The following SOX6 variants were observed in gnomAD, a reference collection of about 807,000 sequenced individuals.
SOX6 encodes the protein transcription factor SOX-6.
In SOX6, 11 loss-of-function variants were observed where a neutral mutation model predicts 97.8. The observed-to-expected ratio is 0.11, with a 90% CI of 0.07 to 0.19. The LOEUF (loss-of-function observed/expected upper bound fraction) is 0.19. Ranked by LOEUF, SOX6 falls within the 10% of genes least tolerant of loss-of-function variation. The probability of loss-of-function intolerance (pLI) is 1.00; values close to 1 mark genes in which losing one functional copy is unlikely to be tolerated. For synonymous variants in SOX6, 360 were observed against 371.4 expected (o/e 0.97, Z 0.35); for missense variants, 810 against 1,039.5 (o/e 0.78, Z 3.04).
intron 12 of SOX6, among the ~76,000 whole-genome samples, chr11:16,024,430 A>G (rs544645840): frequency 1.1e-4 from 16 of 151,606 alleles, no homozygotes; most frequent in African/African-American, 3.9e-4. Flanking sequence ...ATAAGGTCCT[A>G]TTAGCCTCAC....
At chr11:16,588,875 T>TA (rs1848122757) in intron 4 of SOX6, among the ~76,000 whole-genome samples, 1 of 151,750 alleles carries the variant, frequency 6.6e-6, no homozygotes, top group Non-Finnish European at 1.5e-5. Context: ...TTTTAAAAAT[T>TA]AAAAAATCAG....
chr11:16,053,439 T>C (rs140475972), intron 10 of SOX6, among the ~76,000 whole-genome samples: 171 of 152,210 alleles, frequency 1.1e-3, no homozygotes, highest in African/African-American at 3.9e-3. Flanking sequence ...CACCACACCA[T>C]CTTCTTTATT....
Position 16,342,084 on chromosome 11 carries a change from T to C in SOX6, c.-4-832A>G, listed in dbSNP as rs539844994. 4.6e-5 allele frequency among the ~76,000 whole-genome samples: 7 copies of C among 152,112 alleles called. No individual in the cohort carries two copies. The East Asian group carries it at 1.2e-3, about 25-fold the overall frequency. On this transcript the variant is annotated intron_variant, in intron 1 of 15. Transcript: ENST00000683767. ...GTGCATAATATTTAAAACCTCCAAATACAATATTGAACATTCATTTATATG... is the reference window on the plus strand; with the variant it reads ...GTGCATAATATTTAAAACCTCCAAACACAATATTGAACATTCATTTATATG...
intron 1 of SOX6, among the ~76,000 whole-genome samples, chr11:16,367,516 C>G (rs1182733725): frequency 6.6e-6 from 1 of 152,130 alleles, no homozygotes; most frequent in Non-Finnish European, 1.5e-5. Flanking sequence ...AACCTACTCC[C>G]AAAGTACAGA....
intron 9 of SOX6, among the ~76,000 whole-genome samples, chr11:16,062,318 T>C (rs929189554): frequency 1.3e-5 from 2 of 151,650 alleles, no homozygotes; most frequent in African/African-American, 4.8e-5. Flanking sequence ...AGTTAGAAAA[T>C]TTCTTTGCAG....
chr11:16,538,868 C>A (rs902443056), intron 4 of SOX6, among the ~76,000 whole-genome samples: 1 of 151,988 alleles, frequency 6.6e-6, no homozygotes, highest in Non-Finnish European at 1.5e-5. Flanking sequence ...TCCCACACAA[C>A]AATAATGGGA....
intron 1 of SOX6, among the ~76,000 whole-genome samples, chr11:16,368,990 T>C (rs1049745060): frequency 6.6e-6 from 1 of 152,044 alleles, no homozygotes; most frequent in Non-Finnish European, 1.5e-5. Flanking sequence ...AATTCCATCA[T>C]TGAGGGAGGT....
intron 3 of SOX6, among the ~76,000 whole-genome samples, chr11:16,640,779 C>A (rs1848897597): frequency 6.6e-6 from 1 of 152,134 alleles, no homozygotes; most frequent in African/African-American, 2.4e-5. Context: ...TTTTTTATTA[C>A]ATCTATTTAA....
intron 3 of SOX6, among the ~76,000 whole-genome samples, chr11:16,686,671 TTCTG>T (rs1442682882): frequency 6.6e-6 from 1 of 152,254 alleles, no homozygotes; most frequent in Non-Finnish European, 1.5e-5. Flanking sequence ...TTTTCCTGTC[TTCTG>T]TCCCTCAAAA....
chr11:16,217,324 C>T (rs1378051755), intron 4 of SOX6, among the ~76,000 whole-genome samples: 1 of 152,112 alleles, frequency 6.6e-6, no homozygotes, highest in Non-Finnish European at 1.5e-5. Context: ...GGTGGTTTTA[C>T]TAACTTGAGT....
intron 1 of SOX6, among the ~76,000 whole-genome samples, chr11:16,445,110 A>T (rs1859585845): frequency 6.6e-6 from 1 of 152,216 alleles, no homozygotes; most frequent in African/African-American, 2.4e-5. Flanking sequence ...TGATTCTAAG[A>T]CCCAGAAGAA....
intron 12 of SOX6, chr11:16,015,413 C>T (rs1037574257): frequency 4.2e-6 from 1 of 239,554 alleles, no homozygotes; most frequent in Admixed American, 5.1e-5. Flanking sequence ...ATACACGGCT[C>T]AATTTAATGG....
chr11:16,197,879 G>A (rs1467986915), intron 4 of SOX6, among the ~76,000 whole-genome samples: 2 of 152,138 alleles, frequency 1.3e-5, no homozygotes, highest in Non-Finnish European at 2.9e-5. Context: ...ATTCTAAAAA[G>A]AAATTTCTAA....
chr11:16,731,263 G>T (rs1848347573), intron 2 of SOX6, among the ~76,000 whole-genome samples: 1 of 152,080 alleles, frequency 6.6e-6, no homozygotes, highest in South Asian at 2.1e-4. Flanking sequence ...GCATTATCCT[G>T]ATACCAAAAC....
chr11:16,194,659 T>TC (rs1851723402), intron 4 of SOX6, among the ~76,000 whole-genome samples: 1 of 152,172 alleles, frequency 6.6e-6, no homozygotes, highest in Non-Finnish European at 1.5e-5. Flanking sequence ...GATCAAACTC[T>TC]CCTATACCAG....
intron 3 of SOX6, among the ~76,000 whole-genome samples, chr11:16,298,949 T>G (rs1855173414): frequency 2.0e-5 from 3 of 152,104 alleles, no homozygotes; most frequent in Admixed American, 6.6e-5. Flanking sequence ...ATACAAGAAT[T>G]GCGTTTGCTG....
chr11:16,723,426 G>A (rs538014661), intron 2 of SOX6, among the ~76,000 whole-genome samples: 1 of 152,076 alleles, frequency 6.6e-6, no homozygotes, highest in South Asian at 2.1e-4. Flanking sequence ...ACAAACTTCT[G>A]TGGCATGTGT....
intron 4 of SOX6, among the ~76,000 whole-genome samples, chr11:16,559,773 T>G (rs976767247): frequency 6.6e-6 from 1 of 152,152 alleles, no homozygotes; most frequent in Non-Finnish European, 1.5e-5. Context: ...AATTGTATTG[T>G]ACCAGTCTTT....
At chr11:16,200,135 T>C (rs1851895479) in intron 4 of SOX6, among the ~76,000 whole-genome samples, 1 of 152,170 alleles carries the variant, frequency 6.6e-6, no homozygotes, top group South Asian at 2.1e-4. Context: ...TTTCAGAAGT[T>C]ATACTTTAGA....
Sources: allele counts gnomAD v4.1 joint callset (sites outside exome capture counted in the v4.1 genomes callset), GRCh38; gene constraint gnomAD v4.1.1; transcripts MANE v1.5; gene names NCBI Gene and HGNC (gene_info 2026-07-23, HGNC 2026-07-21).